ARHGAP22: variants seen among roughly 807,000 people sequenced by gnomAD.
ARHGAP22 encodes the protein rho GTPase-activating protein 22.
In ARHGAP22, 48 loss-of-function variants were observed where a neutral mutation model predicts 59.1. The ratio of observed to expected loss-of-function variants is 0.81; its 90% CI spans 0.64 to 1.03. The LOEUF is 1.03. Among genes scored for constraint, ARHGAP22 ranks in the 50% least tolerant of loss-of-function variants. ARHGAP22 has a pLI of 0.00. For missense variants in ARHGAP22, 1,015 were observed against 958.7 expected (o/e 1.06, Z -0.78); for synonymous variants, 445 against 416.4 (o/e 1.07, Z -0.84).
At chr10:48,498,431 A>G (rs2051164954) in intron 3 of ARHGAP22, among the ~76,000 whole-genome samples, 4 of 152,128 alleles carry the variant, frequency 2.6e-5, no homozygotes, top group Admixed American at 2.6e-4. Context: ...TGCCCAAGCC[A>G]GGAGCCAGTG....
chr10:48,615,598 A>ATTT (rs2061048327), intron 1 of ARHGAP22, among the ~76,000 whole-genome samples: 1 of 152,202 alleles, frequency 6.6e-6, no homozygotes, highest in South Asian at 2.1e-4. Flanking sequence ...AGCTACACAA[A>ATTT]GTATGGCTTA....
At chr10:48,582,315 A>T (rs2135624183) in intron 2 of ARHGAP22, among the ~76,000 whole-genome samples, 1 of 152,302 alleles carries the variant, frequency 6.6e-6, no homozygotes, top group South Asian at 2.1e-4. Context: ...CAGGGACTGG[A>T]TTGCCCAAGT....
chr10:48,586,743 T>C (rs1344397297), intron 1 of ARHGAP22, among the ~76,000 whole-genome samples: 2 of 152,204 alleles, frequency 1.3e-5, no homozygotes, highest in African/African-American at 4.8e-5. Context: ...TGATTTTGGG[T>C]GATTAATCAA....
chr10:48,446,631 A>T lies in ARHGAP22; in HGVS notation c.1869-12T>A. On this transcript the variant is annotated splice_polypyrimidine_tract_variant and intron_variant, in intron 9 of 9. Coordinates refer to ENST00000249601, the MANE Select transcript of ARHGAP22 (RefSeq NM_021226.4). ...TCCCTTCTTCGATTCTGAAAAGTCA[A>T]GGAGAGATGCTGTTTGAGACTCTGC... The T allele has an allele frequency of 6.2e-7, 1 of 1,611,958 alleles. No individual in the cohort carries two copies. Among genetic ancestry groups the T allele is most frequent in the African/African-American group, 1.3e-5 (1 of 74,924 alleles).
intron 4 of ARHGAP22, among the ~76,000 whole-genome samples, chr10:48,469,445 T>C (rs2048023920): frequency 6.6e-6 from 1 of 152,254 alleles, no homozygotes; most frequent in Non-Finnish European, 1.5e-5. Flanking sequence ...CTCTTCACTC[T>C]GGATGGTCTT....
At chr10:48,643,762 A>ATAT (rs1331684009) in intron 1 of ARHGAP22, among the ~76,000 whole-genome samples, 182 of 144,252 alleles carry the variant, frequency 1.3e-3, no homozygotes, top group African/African-American at 4.2e-3. Flanking sequence ...TAAAAAAAAA[A>ATAT]AAATATATAT....
At chr10:48,580,635 C>A (rs1053543681) in intron 2 of ARHGAP22, among the ~76,000 whole-genome samples, 1 of 152,184 alleles carries the variant, frequency 6.6e-6, no homozygotes, top group Non-Finnish European at 1.5e-5. Flanking sequence ...AGATCACCAA[C>A]AGGTCAGCCA....
chr10:48,637,603 G>A (rs991487003), intron 1 of ARHGAP22, among the ~76,000 whole-genome samples: 1 of 151,986 alleles, frequency 6.6e-6, no homozygotes, highest in Non-Finnish European at 1.5e-5. Context: ...TGGTGGATGG[G>A]TGGGTGAATG....
At chr10:48,610,930 A>G (rs1050802879) in intron 1 of ARHGAP22, among the ~76,000 whole-genome samples, 3 of 152,206 alleles carry the variant, frequency 2.0e-5, no homozygotes, top group African/African-American at 7.2e-5. Context: ...AGTCCTTTTC[A>G]GAAGCAGGCT....
chr10:48,466,328 G>A (rs1278816610), intron 4 of ARHGAP22, among the ~76,000 whole-genome samples: 7 of 152,094 alleles, frequency 4.6e-5, no homozygotes, highest in African/African-American at 1.4e-4. Flanking sequence ...GCCAGCAGGA[G>A]ATTGAAGGAC....
intron 5 of ARHGAP22, 94 bp from the exon 6 acceptor site, chr10:48,455,228 G>C: frequency 7.1e-7 from 1 of 1,401,568 alleles, no homozygotes; most frequent in Non-Finnish European, 9.5e-7. Flanking sequence ...GCAGCCTCTG[G>C]TCTCAGGTGC....
At chr10:48,556,915 T>C (rs913175065) in intron 2 of ARHGAP22, among the ~76,000 whole-genome samples, 1 of 152,162 alleles carries the variant, frequency 6.6e-6, no homozygotes, top group Non-Finnish European at 1.5e-5. Flanking sequence ...CCCAATATTT[T>C]CCAGGCAAAT....
At chr10:48,521,286 C>T (rs1179879361) in intron 3 of ARHGAP22, among the ~76,000 whole-genome samples, 1 of 152,198 alleles carries the variant, frequency 6.6e-6, no homozygotes, top group African/African-American at 2.4e-5. Context: ...CCCGGACCCA[C>T]TGTGCCCACC....
chr10:48,495,637 C>T (rs1279328646), intron 3 of ARHGAP22, among the ~76,000 whole-genome samples: 2 of 129,844 alleles, frequency 1.5e-5, no homozygotes, highest in African/African-American at 2.5e-5. Context: ...CCCCGGTGAA[C>T]CTTCCTCCTG....
intron 1 of ARHGAP22, among the ~76,000 whole-genome samples, chr10:48,627,577 G>A (rs1392929189): frequency 6.6e-6 from 1 of 152,236 alleles, no homozygotes; most frequent in Non-Finnish European, 1.5e-5. Flanking sequence ...ACAGGGTTTG[G>A]GAGAGAGCCG....
At chr10:48,514,217 G>A (rs1036735983) in intron 3 of ARHGAP22, among the ~76,000 whole-genome samples, 3 of 152,108 alleles carry the variant, frequency 2.0e-5, no homozygotes, top group South Asian at 4.1e-4. Flanking sequence ...TAGAAGGAGA[G>A]GGGAGAGAAA....
intron 1 of ARHGAP22, among the ~76,000 whole-genome samples, chr10:48,588,248 G>T (rs1428299279): frequency 6.6e-6 from 1 of 152,138 alleles, no homozygotes; most frequent in African/African-American, 2.4e-5. Flanking sequence ...AGGCATCCCC[G>T]AGGGTTCCAC....
intron 3 of ARHGAP22, among the ~76,000 whole-genome samples, chr10:48,514,108 T>C (rs2053062392): frequency 6.6e-6 from 1 of 152,076 alleles, no homozygotes; most frequent in Non-Finnish European, 1.5e-5. Context: ...ATAGCCAGTC[T>C]GAGGTCCAGA....
At chr10:48,433,132 T>C in the ARHGAP22 span, among the ~76,000 whole-genome samples, 1 of 152,236 alleles carries the variant, frequency 6.6e-6, no homozygotes, top group Non-Finnish European at 1.5e-5. Context: ...ACTAAAGATT[T>C]TCCATATTAT....
Sources: allele counts gnomAD v4.1 joint callset (sites outside exome capture counted in the v4.1 genomes callset), GRCh38; gene constraint gnomAD v4.1.1; transcripts MANE v1.5; gene names NCBI Gene and HGNC (gene_info 2026-07-23, HGNC 2026-07-21).